Variants in DRD3 observed in about 807,000 individuals in gnomAD.
DRD3 encodes dopamine receptor D3.
In DRD3, 19 loss-of-function variants were observed where a neutral mutation model predicts 36.3. That is an observed-to-expected ratio of 0.52 (90% CI 0.36 to 0.77). The LOEUF is 0.77. Ranked by LOEUF, DRD3 falls within the 30% of genes least tolerant of loss-of-function variation. DRD3 has a pLI of 0.00. For synonymous variants in DRD3, 195 were observed against 203.7 expected (o/e 0.96, Z 0.36); for missense variants, 465 against 505.3 (o/e 0.92, Z 0.77).
intron 1 of DRD3, among the ~76,000 whole-genome samples, chr3:114,186,392 G>A (rs1209693023): frequency 6.6e-6 from 1 of 152,158 alleles, no homozygotes. Context: ...CTCCCAAAGT[G>A]TTGGGATTAC....
chr3:114,162,203 C>T (rs976856812), intron 2 of DRD3, among the ~76,000 whole-genome samples: 1 of 152,168 alleles, frequency 6.6e-6, no homozygotes, highest in African/African-American at 2.4e-5. Flanking sequence ...TCATGATATC[C>T]TAATATTGTT....
At chr3:114,165,239 G>C (rs1163322026) in intron 2 of DRD3, among the ~76,000 whole-genome samples, 1 of 152,066 alleles carries the variant, frequency 6.6e-6, no homozygotes, top group African/African-American at 2.4e-5. Flanking sequence ...GATGTTTCAA[G>C]ATGTCCGCAA....
At chr3:114,166,563 G>A (rs996324970) in intron 2 of DRD3, among the ~76,000 whole-genome samples, 10 of 152,186 alleles carry the variant, frequency 6.6e-5, no homozygotes, top group African/African-American at 2.4e-4. Flanking sequence ...GCCCTTCCCA[G>A]ATGGAGGCCT....
At chr3:114,196,954 TTTTAAA>T (rs2078038255) in intron 1 of DRD3, among the ~76,000 whole-genome samples, 1 of 151,550 alleles carries the variant, frequency 6.6e-6, no homozygotes, top group African/African-American at 2.4e-5. Flanking sequence ...TAATAGTCTT[TTTTAAA>T]TTTATTTTTA....
At chr3:114,198,478 T>C (rs2078048569) in intron 1 of DRD3, among the ~76,000 whole-genome samples, 1 of 152,220 alleles carries the variant, frequency 6.6e-6, no homozygotes, top group Non-Finnish European at 1.5e-5. Context: ...TGCTATTATA[T>C]AGAAATACAA....
chr3:114,149,212 C>T (rs2077594990), intron 3 of DRD3, among the ~76,000 whole-genome samples: 1 of 152,104 alleles, frequency 6.6e-6, no homozygotes, highest in South Asian at 2.1e-4. Flanking sequence ...GAAAGAAATA[C>T]ACTGGGTGAT....
chr3:114,144,884 T>C (rs1488261020), intron 4 of DRD3, among the ~76,000 whole-genome samples: 1 of 152,190 alleles, frequency 6.6e-6, no homozygotes, highest in African/African-American at 2.4e-5. Flanking sequence ...CTCAATTCTA[T>C]ACTTAAAAAT....
At chr3:114,187,950 T>C (rs1052829469) in intron 1 of DRD3, among the ~76,000 whole-genome samples, 2 of 152,144 alleles carry the variant, frequency 1.3e-5, no homozygotes, top group African/African-American at 4.8e-5. Flanking sequence ...AATGAGACAC[T>C]AGATAATTCA....
chr3:114,188,210 C>CTTTT (rs57147337), intron 1 of DRD3, among the ~76,000 whole-genome samples: 22 of 122,890 alleles, frequency 1.8e-4, no homozygotes, highest in South Asian at 2.7e-4. Context: ...CTTTTTTTCC[C>CTTTT]TTTTTTTTTT....
At chr3:114,144,825 G>A (rs191560405) in intron 4 of DRD3, among the ~76,000 whole-genome samples, 12 of 152,260 alleles carry the variant, frequency 7.9e-5, no homozygotes, top group African/African-American at 1.4e-4. Flanking sequence ...TGTGAGAGAC[G>A]AGAGAGAAGT....
intron 2 of DRD3, among the ~76,000 whole-genome samples, chr3:114,166,894 A>T (rs940373897): frequency 1.3e-5 from 2 of 152,228 alleles, no homozygotes; most frequent in African/African-American, 4.8e-5. Context: ...TATGACTTTT[A>T]TCAAAATCCA....
chr3:114,146,560 G>A (rs200071806), intron 4 of DRD3, among the ~76,000 whole-genome samples: 37 of 151,906 alleles, frequency 2.4e-4, no homozygotes, highest in East Asian at 1.9e-3. Flanking sequence ...TTAGTGGGGC[G>A]TGGTGGTGGG....
intron 5 of DRD3, among the ~76,000 whole-genome samples, chr3:114,136,212 TCAAAAACAAAAA>T (rs10627695): frequency 6.6e-6 from 1 of 151,090 alleles, no homozygotes; most frequent in East Asian, 1.9e-4. Flanking sequence ...AGACTCTGTC[TCAAAAACAAAAA>T]CAAAAACAAA....
intron 4 of DRD3, among the ~76,000 whole-genome samples, chr3:114,144,027 C>T (rs564663711): frequency 6.6e-6 from 1 of 152,232 alleles, no homozygotes; most frequent in African/African-American, 2.4e-5. Context: ...ACACCATGCT[C>T]TGCTGTATCA....
rs920679921 is a variant in DRD3 at position 114,178,986 on chromosome 3, G to C, written c.-365C>G. ...AGGTTCTGTCCTTGGTGCTGAAAGAGGGATGGAGTAGGCATAGGCAGTATC... is the reference window on the plus strand; with the variant it reads ...AGGTTCTGTCCTTGGTGCTGAAAGACGGATGGAGTAGGCATAGGCAGTATC... On this transcript the variant is annotated 5_prime_UTR_variant, in exon 1 of 7. Transcript: ENST00000383673. The C allele has an allele frequency of 6.6e-6, 1 of 152,172 alleles. No homozygotes were observed. The highest frequency in any genetic ancestry group is 2.4e-5 in the African/African-American group (1 of 41,438). 9.4% of individuals were successfully genotyped at this position (152,172 alleles called of 1,614,324 possible). A position where few individuals can be genotyped will look rare whatever the true frequency, so the allele number is the denominator to read the frequency against.
intron 1 of DRD3, among the ~76,000 whole-genome samples, chr3:114,172,556 T>C (rs182435528): frequency 6.6e-6 from 1 of 152,170 alleles, no homozygotes; most frequent in East Asian, 1.9e-4. Context: ...AGGAGTAGAA[T>C]AGGAGGGTGT....
At chr3:114,185,772 C>T (rs775170794) in intron 1 of DRD3, among the ~76,000 whole-genome samples, 34 of 152,084 alleles carry the variant, frequency 2.2e-4, no homozygotes, top group Non-Finnish European at 4.4e-4. Context: ...AACTCCTGGG[C>T]TCAAGCAATC....
intron 1 of DRD3, among the ~76,000 whole-genome samples, chr3:114,194,512 A>C (rs2078026992): frequency 6.6e-6 from 1 of 151,986 alleles, no homozygotes; most frequent in Non-Finnish European, 1.5e-5. Flanking sequence ...TGAACTCCTG[A>C]CCTCAAGTAG....
rs1417957980 is a variant in DRD3 at position 114,128,708 on chromosome 3, C to T, written c.*8G>A. ...ATGGGTACAAAGAGTGTTCCCTCTT[C>T]TGCTCCCTCAGCAAGACAGGATCTT... On this transcript the variant is annotated 3_prime_UTR_variant, in exon 7 of 7. Transcript: ENST00000383673. The T allele has an allele frequency of 1.3e-6, 2 of 1,584,102 alleles. No individual in the cohort carries two copies. Among genetic ancestry groups the T allele is most frequent in the African/African-American group, 1.3e-5 (1 of 74,390 alleles).
Sources: allele counts gnomAD v4.1 joint callset (sites outside exome capture counted in the v4.1 genomes callset), GRCh38; gene constraint gnomAD v4.1.1; transcripts MANE v1.5; gene names NCBI Gene and HGNC (gene_info 2026-07-23, HGNC 2026-07-21).